Variants in IRF8 observed in about 807,000 individuals in gnomAD.
IRF8 encodes the protein interferon consensus sequence binding protein 1.
In IRF8, 14 loss-of-function variants were observed where a neutral mutation model predicts 48.7. The observed-to-expected ratio is 0.29, with a 90% confidence interval of 0.19 to 0.45. IRF8 has a LOEUF of 0.45. IRF8 is among the 20% of genes least tolerant of loss of function. The pLI is 1.00. For missense variants in IRF8, 493 were observed against 580.7 expected (o/e 0.85, Z 1.55); for synonymous variants, 278 against 227.3 (o/e 1.22, Z -2.01).
intron 4 of IRF8, among the ~76,000 whole-genome samples, chr16:85,912,462 G>C (rs1905173416): frequency 6.6e-6 from 1 of 152,166 alleles, no homozygotes; most frequent in South Asian, 2.1e-4. Flanking sequence ...GAAGATAACA[G>C]AATGTAACCT....
rs1271187753 is a variant in IRF8, at chr16:85,911,468, A to T, written c.359-102A>T. On this transcript the variant is annotated intron_variant, in intron 3 of 8. Coordinates refer to ENST00000268638, the MANE Select transcript of IRF8 (RefSeq NM_002163.4). Reference sequence around the variant, plus strand: ...AACCAATGAAGACACTCACTAACTTAATGTTTCCTTAAACTCAGCATTTAC... The same window carrying T: ...AACCAATGAAGACACTCACTAACTTTATGTTTCCTTAAACTCAGCATTTAC... 6 of 993,042 alleles carry T rather than the reference A, an allele frequency of 6.0e-6. No homozygotes were observed. In the East Asian group the frequency reaches 1.5e-4, roughly 25 times the overall value. 61.5% of individuals were successfully genotyped at this position (993,042 alleles called of 1,614,324 possible).
chr16:85,902,125 A>G (rs990274671), intron 1 of IRF8, among the ~76,000 whole-genome samples: 8 of 152,108 alleles, frequency 5.3e-5, no homozygotes, highest in Non-Finnish European at 1.0e-4. Flanking sequence ...TTAGGTCCCT[A>G]GAGTGGGACA....
At chr16:85,917,134 T>G (rs1378200577) in intron 6 of IRF8, among the ~76,000 whole-genome samples, 1 of 151,954 alleles carries the variant, frequency 6.6e-6, no homozygotes, top group Non-Finnish European at 1.5e-5. Flanking sequence ...GGAATGCAGA[T>G]GGACTCAGGG....
Position 85,918,716 on chromosome 16 carries a change from G to A in IRF8, c.901G>A (p.Gly301Ser), listed in dbSNP as rs945535357. 9 of 1,612,612 alleles carry A rather than the reference G, an allele frequency of 5.6e-6. No individual in the cohort carries two copies. Among genetic ancestry groups the A allele is most frequent in the Admixed American group, 1.7e-5 (1 of 60,032 alleles). ...RLCQGRVFCS[G>S]NAVVCKGRPN... ...GTGCCAGGGCCGCGTGTTCTGCAGCGGCAACGCCGTGGTGTGCAAAGGCAG... is the reference window on the plus strand; with the variant it reads ...GTGCCAGGGCCGCGTGTTCTGCAGCAGCAACGCCGTGGTGTGCAAAGGCAG... Residue 301 changes from glycine (G) to serine (S), a missense_variant, in exon 7 of 9, where the codon GGC becomes AGC. Physicochemically the swap from Gly to Ser is moderately conservative, Grantham distance 56 (BLOSUM62 0). This residue lies in a region of IRF8 where 408 missense variants were observed against 449.6 expected (regional missense o/e 0.91). Transcript: ENST00000268638.
chr16:85,907,529 T>C (rs1021505021), intron 2 of IRF8, among the ~76,000 whole-genome samples: 3 of 152,178 alleles, frequency 2.0e-5, no homozygotes, highest in African/African-American at 7.2e-5. Flanking sequence ...AATACAAAAA[T>C]TAGCTGGGTA....
intron 3 of IRF8, among the ~76,000 whole-genome samples, chr16:85,911,334 T>A (rs1036584497): frequency 6.6e-6 from 1 of 152,182 alleles, no homozygotes; most frequent in African/African-American, 2.4e-5. Context: ...CTTTATCCTT[T>A]AAAAGTGTTA....
rs918147145 is a variant in IRF8 at position 85,918,908 on chromosome 16, TGGA to T, written c.988+113_988+115del. 7.7e-6 allele frequency: 11 copies of T among 1,437,350 alleles called. No homozygotes were observed. The African/African-American group carries it at 1.1e-4, about 15-fold the overall frequency. 89.0% of individuals were successfully genotyped at this position (1,437,350 alleles called of 1,614,324 possible). ...GGCCCTGTGGTCTCATGGAGGGATG[TGGA>T]GGAGGAGTGAGGGGCATGGTGTGGC... On this transcript the variant is annotated intron_variant, in intron 7 of 8. Transcript: ENST00000268638.
At position 85,921,548 on chromosome 16, in the gene IRF8, T is replaced by A; in HGVS notation, c.*266T>A. The A allele has an allele frequency of 4.1e-6, 2 of 486,006 alleles. No homozygotes were observed. The highest frequency in any genetic ancestry group is 4.3e-5 in the South Asian group (2 of 46,866). The allele number at this position is 486,006 out of a possible 1,614,324, so 30.1% of individuals were successfully genotyped here. A position where few individuals can be genotyped will look rare whatever the true frequency, so the allele number is the denominator to read the frequency against. ...ATTTTCTATCCTTTACCCGTCATTA[T>A]CATTAGTTGCTATGATTCTTTCTGC... On this transcript the variant is annotated 3_prime_UTR_variant, in exon 9 of 9. Coordinates refer to ENST00000268638, the MANE Select transcript of IRF8 (RefSeq NM_002163.4).
Position 85,909,262 on chromosome 16 carries a change from G to A in IRF8, c.358+89G>A, listed in dbSNP as rs564457724. On this transcript the variant is annotated intron_variant, in intron 3 of 8. Coordinates refer to ENST00000268638, the MANE Select transcript of IRF8 (RefSeq NM_002163.4). ...GAACTTGGGTCTGGGGTAGACACAGGGTCTGGGGCACATAGTTTCAGTTAA... is the reference window on the plus strand; with the variant it reads ...GAACTTGGGTCTGGGGTAGACACAGAGTCTGGGGCACATAGTTTCAGTTAA... The A allele has an allele frequency of 8.9e-6, 9 of 1,006,104 alleles. No homozygotes were observed. The African/African-American group carries it at 9.5e-5, about 11-fold the overall frequency. 62.3% of individuals were successfully genotyped at this position (1,006,104 alleles called of 1,614,324 possible).
At chr16:85,920,612 G>A (rs1215689856) in intron 8 of IRF8, among the ~76,000 whole-genome samples, 2 of 152,184 alleles carry the variant, frequency 1.3e-5, no homozygotes, top group African/African-American at 4.8e-5. Context: ...GGCTGGAGAA[G>A]AGGACACAAG....
intron 6 of IRF8, among the ~76,000 whole-genome samples, chr16:85,915,931 C>T (rs1905289568): frequency 1.3e-5 from 2 of 152,160 alleles, no homozygotes; most frequent in South Asian, 4.1e-4. Flanking sequence ...GCCCCGCCCC[C>T]ACCTCTATGT....
At chr16:85,912,901 T>C (rs965721877) in intron 4 of IRF8, among the ~76,000 whole-genome samples, 1 of 152,242 alleles carries the variant, frequency 6.6e-6, no homozygotes, top group African/African-American at 2.4e-5. Context: ...AACTTATTAG[T>C]GGCCCCCAAA....
chr16:85,906,409 G>C (rs1269149871), intron 2 of IRF8, among the ~76,000 whole-genome samples: 32 of 152,216 alleles, frequency 2.1e-4, no homozygotes. Context: ...GATCTCGAGA[G>C]ATCATCAAGC....
intron 5 of IRF8, 79 bp downstream of exon 5, chr16:85,913,315 G>A (rs1905202138): frequency 5.9e-6 from 6 of 1,022,496 alleles, no homozygotes; most frequent in Middle Eastern, 4.7e-4. Flanking sequence ...GGACGGAGTG[G>A]GGGTGGTTGT....
At chr16:85,920,863 A>G (rs530110988) in intron 8 of IRF8, among the ~76,000 whole-genome samples, 1 of 152,280 alleles carries the variant, frequency 6.6e-6, no homozygotes, top group Admixed American at 6.5e-5. Context: ...TATTTCATGT[A>G]GTCAAGGGAA....
Position 85,908,981 on chromosome 16 carries a change from T to C in IRF8, c.175-9T>C, listed in dbSNP as rs766056860. 6.2e-7 allele frequency: 1 copy of C among 1,613,428 alleles called. No individual in the cohort carries two copies. The highest frequency in any genetic ancestry group is 1.1e-5 in the South Asian group (1 of 91,064). On this transcript the variant is annotated splice_polypyrimidine_tract_variant and intron_variant, in intron 2 of 8. Transcript: ENST00000268638. ...CATGAATTTAATGTGCTTCTGTTTCTTTCTTCAGGCCTGGGCAGTTTTTAA... is the reference window on the plus strand; with the variant it reads ...CATGAATTTAATGTGCTTCTGTTTCCTTCTTCAGGCCTGGGCAGTTTTTAA...
At chr16:85,903,463 G>A (rs1904893221) in intron 2 of IRF8, 2 of 448,504 alleles carry the variant, frequency 4.5e-6, no homozygotes, top group Non-Finnish European at 8.2e-6. Context: ...TCCTTTTCCT[G>A]ATGAGCCAAG....
chr16:85,919,711 G>C (rs757990817), intron 7 of IRF8, among the ~76,000 whole-genome samples: 7 of 152,176 alleles, frequency 4.6e-5, no homozygotes, highest in African/African-American at 1.7e-4. Flanking sequence ...CCGGTCCACC[G>C]GCCCACTTTG....
rs1435937161 is a variant in IRF8, at chr16:85,909,779, A to G, written c.358+606A>G. 7.0e-5 allele frequency: 11 copies of G among 157,544 alleles called. 1 individual carries two copies. In the South Asian group the frequency reaches 2.1e-3, roughly 30 times the overall value. The allele number at this position is 157,544 out of a possible 1,614,324, so 9.8% of individuals were successfully genotyped here. ...GTCCTACATCACTAAAATAAATCCCAAAGTACTGAGCTGGGATCTGGCCTC... is the reference window on the plus strand; with the variant it reads ...GTCCTACATCACTAAAATAAATCCCGAAGTACTGAGCTGGGATCTGGCCTC... On this transcript the variant is annotated intron_variant, in intron 3 of 8. Transcript: ENST00000268638.
Sources: gnomAD v4.1 joint callset for allele counts (sites outside exome capture counted in the v4.1 genomes callset) on GRCh38, gnomAD v4.1.1 for gene constraint, gnomAD v4.1.1 regional missense constraint, MANE v1.5 for transcripts, NCBI Gene and HGNC (gene_info 2026-07-23, HGNC 2026-07-21) for gene names.